ANO4: variants seen among roughly 807,000 people sequenced by gnomAD.
ANO4 encodes the protein anoctamin 4.
A neutral mutation model predicts 141.9 loss-of-function variants in ANO4; 69 were observed. That is an observed-to-expected ratio of 0.49 (90% confidence interval 0.40 to 0.59). ANO4 has a LOEUF of 0.59. Among genes scored for constraint, ANO4 ranks in the 20% least tolerant of loss-of-function variants. The pLI, the probability that ANO4 is intolerant of heterozygous loss-of-function variation, is 0.00. For missense variants in ANO4, 894 were observed against 1,162.2 expected, an observed-to-expected ratio of 0.77 and a Z score of 3.36; for synonymous variants, 350 against 394.3, an observed-to-expected ratio of 0.89 and a Z score of 1.33.
At chr12:101,053,229 G>A (rs2047946499) in intron 14 of ANO4, among the ~76,000 whole-genome samples, 1 of 152,190 alleles carries the variant, frequency 6.6e-6, no homozygotes, top group South Asian at 2.1e-4. Flanking sequence ...AAGAGATATT[G>A]GAAAGAAGTC....
intron 8 of ANO4, among the ~76,000 whole-genome samples, chr12:101,015,133 G>GT (rs11382430): frequency 0.021 from 3,118 of 152,096 alleles, 126 homozygotes; most frequent in African/African-American, 0.071. Flanking sequence ...AAAAATTGCA[G>GT]TTTTTTAAAA....
intron 3 of ANO4, among the ~76,000 whole-genome samples, chr12:100,773,157 A>G (rs2033368373): frequency 6.6e-6 from 1 of 152,210 alleles, no homozygotes; most frequent in Non-Finnish European, 1.5e-5. Context: ...TCATTCACAG[A>G]TGGTATTTTT....
intron 9 of ANO4, among the ~76,000 whole-genome samples, chr12:101,022,874 G>T (rs1283235103): frequency 2.0e-5 from 3 of 152,130 alleles, no homozygotes; most frequent in Non-Finnish European, 2.9e-5. Context: ...TGAGTAACTG[G>T]GATTACAGGT....
chr12:100,787,177 C>T (rs930656264), intron 3 of ANO4, among the ~76,000 whole-genome samples: 1 of 152,182 alleles, frequency 6.6e-6, no homozygotes, highest in South Asian at 2.1e-4. Flanking sequence ...ACTGTGTGAT[C>T]GGTGCCAAAA....
intron 26 of ANO4, among the ~76,000 whole-genome samples, chr12:101,125,571 G>T (rs1273089719): frequency 6.6e-6 from 1 of 151,774 alleles, no homozygotes; most frequent in African/African-American, 2.4e-5. Context: ...TGCTTATTGA[G>T]AATTTTTAAC....
At chr12:100,919,670 CTGTGTGTGTGTGTG>C (rs63330161) in intron 2 of ANO4, among the ~76,000 whole-genome samples, 1,815 of 139,186 alleles carry the variant, frequency 0.013, 52 homozygotes, top group African/African-American at 0.048. Flanking sequence ...GGACATGTCT[CTGTGTGTGTGTGTG>C]TGTGTGTGTG....
intron 3 of ANO4, among the ~76,000 whole-genome samples, chr12:100,782,314 A>G (rs946032828): frequency 2.0e-5 from 3 of 152,190 alleles, no homozygotes; most frequent in African/African-American, 7.2e-5. Flanking sequence ...GCCCATAGAA[A>G]GAACCTATTC....
intron 5 of ANO4, among the ~76,000 whole-genome samples, chr12:100,944,964 A>G (rs551835664): frequency 7.9e-5 from 12 of 152,150 alleles, no homozygotes; most frequent in Admixed American, 3.9e-4. Flanking sequence ...CAGAAAGACA[A>G]TTTTAATGGC....
chr12:100,837,938 A>T (rs890517477), intron 1 of ANO4, among the ~76,000 whole-genome samples: 1 of 152,098 alleles, frequency 6.6e-6, no homozygotes, highest in Non-Finnish European at 1.5e-5. Flanking sequence ...CTTTCTTCTT[A>T]TAACTGCCCC....
intron 12 of ANO4, among the ~76,000 whole-genome samples, chr12:101,042,806 C>T (rs1388616102): frequency 6.6e-6 from 1 of 152,144 alleles, no homozygotes; most frequent in African/African-American, 2.4e-5. Context: ...AGTGAACTAA[C>T]AATTCTCTCT....
At chr12:100,970,664 T>TGCCTG (rs1566071751) in intron 5 of ANO4, among the ~76,000 whole-genome samples, 9 of 16,636 alleles carry the variant, frequency 5.4e-4, no homozygotes, top group South Asian at 3.6e-3. Flanking sequence ...TCCCTCCCTC[T>TGCCTG]CCTTCCTTCC....
At chr12:100,963,097 G>C (rs1254987771) in intron 5 of ANO4, among the ~76,000 whole-genome samples, 1 of 152,202 alleles carries the variant, frequency 6.6e-6, no homozygotes, top group Non-Finnish European at 1.5e-5. Flanking sequence ...CAGTGAAGCA[G>C]ATCCATTATA....
intron 8 of ANO4, among the ~76,000 whole-genome samples, chr12:101,014,641 T>C (rs2046240772): frequency 6.6e-6 from 1 of 152,160 alleles, no homozygotes; most frequent in Non-Finnish European, 1.5e-5. Context: ...TTGCTGTTTG[T>C]GTGACTTTGG....
upstream of ANO4, among the ~76,000 whole-genome samples, chr12:100,791,367 A>T (rs988762993): frequency 6.6e-6 from 1 of 152,128 alleles, no homozygotes; most frequent in Admixed American, 6.5e-5. Flanking sequence ...CCGAGATCGC[A>T]CCACTGCACT....
intron 1 of ANO4, among the ~76,000 whole-genome samples, chr12:100,876,905 C>T (rs1394071562): frequency 6.6e-6 from 1 of 152,028 alleles, no homozygotes; most frequent in Non-Finnish European, 1.5e-5. Flanking sequence ...TAGCTTTGTT[C>T]TTTTTGCGCA....
chr12:100,729,743 G>A lies in ANO4; in HGVS notation c.23-4031G>A, dbSNP rs201554763. On this transcript the variant is annotated intron_variant, in intron 1 of 29. Transcript: ENST00000644049. ...ATCTAGCCTTTTTGTTTTAATTCCA[G>A]TAGGTAAGAATACCTTCCTTCAGGT... 2.4e-4 allele frequency among the ~76,000 whole-genome samples: 37 copies of A among 152,286 alleles called. 1 individual carries two copies. The East Asian group carries it at 6.6e-3, about 27-fold the overall frequency.
chr12:100,821,733 A>G (rs879610875), intron 1 of ANO4, among the ~76,000 whole-genome samples: 1 of 152,180 alleles, frequency 6.6e-6, no homozygotes, highest in East Asian at 1.9e-4. Flanking sequence ...GCCATAATTT[A>G]GGTAAGCCTT....
At chr12:100,779,739 A>G (rs1030254323) in intron 3 of ANO4, among the ~76,000 whole-genome samples, 5 of 152,000 alleles carry the variant, frequency 3.3e-5, no homozygotes, top group Non-Finnish European at 5.9e-5. Flanking sequence ...TGTAGTTGCC[A>G]TTGCTTGTCT....
At chr12:101,072,559 G>A (rs911476731) in intron 14 of ANO4, among the ~76,000 whole-genome samples, 3 of 152,126 alleles carry the variant, frequency 2.0e-5, no homozygotes, top group African/African-American at 7.2e-5. Context: ...AACACCAAAA[G>A]CAATGGCAAC....
Sources: allele counts gnomAD v4.1 joint callset (sites outside exome capture counted in the v4.1 genomes callset), GRCh38; gene constraint gnomAD v4.1.1; transcripts MANE v1.5; gene names NCBI Gene and HGNC (gene_info 2026-07-23, HGNC 2026-07-21).